The following SOX5 variants were observed in gnomAD, a reference collection of about 807,000 sequenced individuals.
The protein encoded by SOX5 is transcription factor SOX-5.
SOX5 carries 9 observed loss-of-function variants against 92.0 expected under a neutral mutation model. The ratio of observed to expected loss-of-function variants is 0.10; its 90% CI spans 0.06 to 0.17. The LOEUF is 0.17. Among genes scored for constraint, SOX5 ranks in the 10% least tolerant of loss-of-function variants. SOX5 has a pLI of 1.00. For synonymous variants in SOX5, 344 were observed against 336.3 expected (o/e 1.02, Z -0.25); for missense variants, 642 against 944.5 (o/e 0.68, Z 4.20).
intron 2 of SOX5, among the ~76,000 whole-genome samples, chr12:24,287,729 T>C (rs555225624): frequency 6.6e-6 from 1 of 152,102 alleles, no homozygotes; most frequent in South Asian, 2.1e-4. Flanking sequence ...TTTGGGCTTT[T>C]CAAGTCATTT....
At chr12:24,132,997 G>A (rs1216705398) in intron 4 of SOX5, among the ~76,000 whole-genome samples, 2 of 152,124 alleles carry the variant, frequency 1.3e-5, no homozygotes, top group Non-Finnish European at 2.9e-5. Context: ...AGTCAACCTA[G>A]CGCTGTTATC....
chr12:24,007,002 G>T (rs534894318), intron 4 of SOX5, among the ~76,000 whole-genome samples: 1 of 150,742 alleles, frequency 6.6e-6, no homozygotes, highest in African/African-American at 2.4e-5. Flanking sequence ...GCATGATGAC[G>T]CATGTCTGTA....
chr12:24,557,630 AT>A (rs1191686326), intron 1 of SOX5, among the ~76,000 whole-genome samples: 4 of 152,274 alleles, frequency 2.6e-5, no homozygotes, highest in East Asian at 1.9e-4. Flanking sequence ...CAAACTGCGT[AT>A]CAAACTAAAG....
At chr12:24,020,858 C>T (rs557459412) in intron 4 of SOX5, among the ~76,000 whole-genome samples, 2 of 152,134 alleles carry the variant, frequency 1.3e-5, no homozygotes, top group East Asian at 1.9e-4. Flanking sequence ...TATTCTCAAT[C>T]GCTTCTCTTC....
chr12:23,835,145 C>T (rs1157510001), intron 3 of SOX5, among the ~76,000 whole-genome samples: 1 of 151,824 alleles, frequency 6.6e-6, no homozygotes, highest in Non-Finnish European at 1.5e-5. Context: ...GGATAGTCAT[C>T]TACCTTTACT....
At chr12:23,977,894 C>T (rs4576914) in intron 4 of SOX5, among the ~76,000 whole-genome samples, 1 of 152,010 alleles carries the variant, frequency 6.6e-6, no homozygotes, top group African/African-American at 2.4e-5. Context: ...GGCTTTTGTT[C>T]GCTGGCCTGG....
At chr12:23,852,422 G>A (rs778635481) in intron 2 of SOX5, among the ~76,000 whole-genome samples, 3 of 151,842 alleles carry the variant, frequency 2.0e-5, no homozygotes, top group Admixed American at 6.6e-5. Context: ...AATCCAGCCC[G>A]TATTTCAAAC....
intron 4 of SOX5, among the ~76,000 whole-genome samples, chr12:23,975,919 A>G (rs939745447): frequency 4.3e-4 from 66 of 152,318 alleles, no homozygotes; most frequent in Admixed American, 3.7e-3. Context: ...TCTGATGTGT[A>G]AATTATAATT....
At chr12:23,731,803 T>C (rs993372420) in intron 6 of SOX5, among the ~76,000 whole-genome samples, 19 of 152,198 alleles carry the variant, frequency 1.2e-4, no homozygotes, top group African/African-American at 4.6e-4. Context: ...AAAGGCATTC[T>C]TAATTGTGGA....
rs1199597684 is a variant in SOX5, at chr12:23,751,019, T to G, written c.568+4619A>C. On this transcript the variant is annotated intron_variant, in intron 4 of 14. Coordinates refer to ENST00000451604, the MANE Select transcript of SOX5 (RefSeq NM_006940.6). Reference sequence around the variant, plus strand: ...CTTATATTCTACGCGCCAGCAGTCTTTCTTTAGTTCTTGTGAAATAGTTTT... The same window carrying G: ...CTTATATTCTACGCGCCAGCAGTCTGTCTTTAGTTCTTGTGAAATAGTTTT... Among the ~76,000 whole-genome samples, 6 of 151,930 alleles carry G rather than the reference T, an allele frequency of 3.9e-5. No homozygotes were observed. The East Asian group carries it at 1.2e-3, about 29-fold the overall frequency.
At chr12:23,978,762 A>C (rs1394603893) in intron 4 of SOX5, among the ~76,000 whole-genome samples, 2 of 152,162 alleles carry the variant, frequency 1.3e-5, no homozygotes, top group Non-Finnish European at 2.9e-5. Flanking sequence ...ACACTAACAG[A>C]AAGTTACTTA....
At chr12:24,319,048 C>T (rs1595531833) in intron 2 of SOX5, among the ~76,000 whole-genome samples, 1 of 152,202 alleles carries the variant, frequency 6.6e-6, no homozygotes, top group Admixed American at 6.5e-5. Flanking sequence ...TCTTCTCACT[C>T]AAGCCACTTC....
At chr12:24,203,114 C>T (rs931838884) in intron 4 of SOX5, among the ~76,000 whole-genome samples, 1 of 152,054 alleles carries the variant, frequency 6.6e-6, no homozygotes, top group African/African-American at 2.4e-5. Context: ...TTCTTTTCTC[C>T]CTCACTTATT....
rs183572313 is a variant in SOX5, at chr12:24,115,712, T to A, written c.-2+97631A>T. On this transcript the variant is annotated intron_variant, in intron 4 of 4. Coordinates refer to the SOX5 transcript ENST00000446891. ...TTCATCATGAAAAACAAAGAACTGC[T>A]CAAAAAGGTTATATATACACTACAG... Among the ~76,000 whole-genome samples, 5 of 152,186 alleles carry A rather than the reference T, an allele frequency of 3.3e-5. No individual in the cohort carries two copies. The South Asian group carries it at 1.0e-3, about 32-fold the overall frequency.
intron 9 of SOX5, chr12:23,604,107 C>A (rs1010452403): frequency 1.3e-5 from 4 of 315,728 alleles, no homozygotes; most frequent in African/African-American, 8.3e-5. Context: ...CATAATCAGA[C>A]TGTAAGCTCC....
chr12:24,052,542 T>C (rs1029953273), intron 4 of SOX5, among the ~76,000 whole-genome samples: 7 of 152,202 alleles, frequency 4.6e-5, no homozygotes, highest in Non-Finnish European at 1.0e-4. Context: ...AGTTTTCTAA[T>C]TTTGCATTAC....
intron 2 of SOX5, among the ~76,000 whole-genome samples, chr12:24,358,736 A>C (rs140953620): frequency 3.9e-5 from 6 of 152,376 alleles, no homozygotes; most frequent in African/African-American, 1.4e-4. Context: ...AATGGCAAGC[A>C]TAGGTCATTA....
At chr12:24,527,041 C>T (rs377632697) in intron 1 of SOX5, among the ~76,000 whole-genome samples, 1 of 152,132 alleles carries the variant, frequency 6.6e-6, no homozygotes, top group East Asian at 1.9e-4. Context: ...ATCCTCCCAC[C>T]TCGTCCTCCC....
chr12:24,161,427 G>A (rs1474175312), intron 4 of SOX5, among the ~76,000 whole-genome samples: 1 of 152,070 alleles, frequency 6.6e-6, no homozygotes, highest in Non-Finnish European at 1.5e-5. Context: ...TTGAAACTCT[G>A]AATATACCCA....
Sources: allele counts gnomAD v4.1 joint callset (sites outside exome capture counted in the v4.1 genomes callset), GRCh38; gene constraint gnomAD v4.1.1; transcripts MANE v1.5; gene names NCBI Gene and HGNC (gene_info 2026-07-23, HGNC 2026-07-21).